NPAS2: variants seen among roughly 807,000 people sequenced by gnomAD.
The protein encoded by NPAS2 is neuronal PAS domain protein 2, also known as neuronal PAS domain-containing protein 2.
A neutral mutation model predicts 107.5 loss-of-function variants in NPAS2; 23 were observed. The ratio of observed to expected loss-of-function variants is 0.21; its 90% CI spans 0.15 to 0.30. NPAS2 has a LOEUF of 0.30. Ranked by LOEUF, NPAS2 falls within the 10% of genes least tolerant of loss-of-function variation. The probability of loss-of-function intolerance (pLI) is 1.00; values close to 1 mark genes in which losing one functional copy is unlikely to be tolerated. For synonymous variants in NPAS2, 403 were observed against 417.5 expected (o/e 0.97, Z 0.42); for missense variants, 756 against 1,043.3 (o/e 0.72, Z 3.79).
intron 19 of NPAS2, 70 bp downstream of exon 19, chr2:100,990,942 C>A: frequency 7.6e-7 from 1 of 1,317,458 alleles, no homozygotes; most frequent in South Asian, 1.2e-5. Flanking sequence ...CAGACTCACC[C>A]GCCTGGGCCA....
intron 11 of NPAS2, chr2:100,970,702 A>G (rs1676486519): frequency 3.2e-6 from 1 of 317,156 alleles, no homozygotes; most frequent in Non-Finnish European, 5.8e-6. Flanking sequence ...GACAATTACA[A>G]TTGGAGATTT....
In NPAS2 at chr2:100,925,126, T is replaced by G. The variant is rs918191479; in HGVS notation, c.33-20T>G. ...TGTGACGTGGAATGTTCCAGTAACC[T>G]GCTCGTTTTGTGTTTACAGAGCTTC... On this transcript the variant is annotated intron_variant, in intron 2 of 20. Coordinates refer to ENST00000335681, the MANE Select transcript of NPAS2 (RefSeq NM_002518.4). 1 of 1,599,560 alleles carries G rather than the reference T, an allele frequency of 6.3e-7. No homozygotes were observed. The highest frequency in any genetic ancestry group is 8.5e-7 in the Non-Finnish European group (1 of 1,170,046).
chr2:100,949,990 C>A (rs1364528645), intron 7 of NPAS2, among the ~76,000 whole-genome samples: 1 of 152,202 alleles, frequency 6.6e-6, no homozygotes, highest in Non-Finnish European at 1.5e-5. Flanking sequence ...AATTATCAAG[C>A]AGGATAAGCC....
intron 1 of NPAS2, among the ~76,000 whole-genome samples, chr2:100,858,555 T>C (rs542400928): frequency 4.4e-4 from 67 of 152,164 alleles, no homozygotes; most frequent in African/African-American, 1.6e-3. Flanking sequence ...CCTGATGTGG[T>C]GGGGCTGGAA....
chr2:100,870,810 C>T (rs1446259079), intron 1 of NPAS2, among the ~76,000 whole-genome samples: 1 of 152,206 alleles, frequency 6.6e-6, no homozygotes, highest in East Asian at 1.9e-4. Flanking sequence ...TGTGCATGTA[C>T]CAACAGATAT....
chr2:100,837,716 G>A (rs956964982), intron 1 of NPAS2, among the ~76,000 whole-genome samples: 17 of 152,194 alleles, frequency 1.1e-4, no homozygotes, highest in African/African-American at 4.1e-4. Flanking sequence ...TCTGATTGAA[G>A]ATAAATGGAG....
intron 4 of NPAS2, among the ~76,000 whole-genome samples, chr2:100,934,405 T>C (rs1470174963): frequency 6.6e-6 from 1 of 152,116 alleles, no homozygotes; most frequent in Non-Finnish European, 1.5e-5. Flanking sequence ...ATTTCGGGGC[T>C]AGAAGACGGG....
chr2:100,847,348 TG>T (rs1431303181), intron 1 of NPAS2: 1 of 152,254 alleles, frequency 6.6e-6, no homozygotes, highest in Non-Finnish European at 1.5e-5. Flanking sequence ...CTTTAGATTA[TG>T]TATACTTTAC....
chr2:100,834,819 C>G (rs1250160022), intron 1 of NPAS2, among the ~76,000 whole-genome samples: 1 of 152,158 alleles, frequency 6.6e-6, no homozygotes. Flanking sequence ...CTCAGCCTCC[C>G]AAGTAGCTGG....
chr2:100,825,353 C>T (rs551168707), intron 1 of NPAS2, among the ~76,000 whole-genome samples: 1 of 151,946 alleles, frequency 6.6e-6, no homozygotes, highest in East Asian at 1.9e-4. Flanking sequence ...AGGAAAAAAC[C>T]CCACAATTTC....
chr2:100,938,971 A>G (rs1318481463), intron 5 of NPAS2, among the ~76,000 whole-genome samples: 1 of 152,154 alleles, frequency 6.6e-6, no homozygotes, highest in Admixed American at 6.5e-5. Flanking sequence ...GGATTCACAC[A>G]TAGGAAAGCT....
chr2:100,829,300 G>A (rs6737553), intron 1 of NPAS2, among the ~76,000 whole-genome samples: 44,644 of 151,222 alleles, frequency 0.3, 9,673 homozygotes, highest in African/African-American at 0.62. Flanking sequence ...CTACAGGCAC[G>A]CACCACCATG....
intron 4 of NPAS2, among the ~76,000 whole-genome samples, chr2:100,933,806 G>A (rs569066757): frequency 6.6e-6 from 1 of 152,270 alleles, no homozygotes; most frequent in South Asian, 2.1e-4. Flanking sequence ...ACATATCCAC[G>A]CCCGCAACCA....
chr2:100,868,992 T>C (rs933052759), intron 1 of NPAS2, among the ~76,000 whole-genome samples: 1 of 152,164 alleles, frequency 6.6e-6, no homozygotes, highest in Admixed American at 6.5e-5. Flanking sequence ...AGTGCAGTGG[T>C]GTAATCTCAG....
At chr2:100,900,554 A>G (rs1028545948) in intron 1 of NPAS2, among the ~76,000 whole-genome samples, 2 of 152,168 alleles carry the variant, frequency 1.3e-5, no homozygotes, top group Non-Finnish European at 2.9e-5. Flanking sequence ...TCCAAGAATG[A>G]CACTCCTAGA....
intron 8 of NPAS2, 109 bp downstream of exon 8, chr2:100,964,285 C>T: frequency 2.5e-6 from 2 of 807,454 alleles, no homozygotes; most frequent in Admixed American, 3.7e-5. Flanking sequence ...GTGAAGTTGT[C>T]ACTGGCTTTG....
chr2:100,988,685 C>T (rs1160218655), intron 17 of NPAS2: 6 of 325,262 alleles, frequency 1.8e-5, no homozygotes, highest in Non-Finnish European at 3.5e-5. Flanking sequence ...ACATGAGCAG[C>T]CACTGCTGTT....
Position 100,988,027 on chromosome 2 carries a change from T to G in NPAS2, c.1630-52T>G, listed in dbSNP as rs1677874297. On this transcript the variant is annotated intron_variant, in intron 16 of 20. Coordinates refer to ENST00000335681, the MANE Select transcript of NPAS2 (RefSeq NM_002518.4). ...CAGGGAATGCAAAGGAGGTGCACAC[T>G]GGTGAGGTACCCATGACCCCAACTT... 6 of 1,590,448 alleles carry G rather than the reference T, an allele frequency of 3.8e-6. No homozygotes were observed. The South Asian group carries it at 6.7e-5, about 18-fold the overall frequency.
intron 1 of NPAS2, among the ~76,000 whole-genome samples, chr2:100,833,024 C>G (rs909891614): frequency 1.3e-5 from 2 of 152,190 alleles, no homozygotes; most frequent in African/African-American, 2.4e-5. Context: ...GCAGCTCTTG[C>G]ATCTATTGCA....
Sources: gnomAD v4.1 joint callset for allele counts (sites outside exome capture counted in the v4.1 genomes callset) on GRCh38, gnomAD v4.1.1 for gene constraint, MANE v1.5 for transcripts, NCBI Gene and HGNC (gene_info 2026-07-23, HGNC 2026-07-21) for gene names.